The following UBR3 variants were observed in gnomAD, a reference collection of about 807,000 sequenced individuals.
UBR3 encodes the protein E3 ubiquitin-protein ligase UBR3.
UBR3 carries 85 observed loss-of-function variants against 243.2 expected under a neutral mutation model. The ratio of observed to expected loss-of-function variants is 0.35; its 90% confidence interval spans 0.29 to 0.42. The LOEUF (loss-of-function observed/expected upper bound fraction) is 0.42. Among genes scored for constraint, UBR3 ranks in the 10% least tolerant of loss-of-function variants. The pLI is 1.00. For synonymous variants in UBR3, 748 were observed against 799.8 expected, an observed-to-expected ratio of 0.94 and a Z score of 1.09; for missense variants, 1,686 against 2,300.8, an observed-to-expected ratio of 0.73 and a Z score of 5.47.
intron 8 of UBR3, among the ~76,000 whole-genome samples, chr2:169,900,981 G>C (rs1464652885): frequency 6.6e-6 from 1 of 151,986 alleles, no homozygotes; most frequent in Non-Finnish European, 1.5e-5. Flanking sequence ...TAAATTATGT[G>C]GTTTACCCTT....
At chr2:169,839,663 TAAA>T (rs2082228326) in intron 1 of UBR3, among the ~76,000 whole-genome samples, 1 of 151,928 alleles carries the variant, frequency 6.6e-6, no homozygotes, top group South Asian at 2.1e-4. Flanking sequence ...ATGCATCAAA[TAAA>T]ACACACACAC....
At chr2:169,884,423 C>T (rs2084014135) in intron 5 of UBR3, among the ~76,000 whole-genome samples, 1 of 152,164 alleles carries the variant, frequency 6.6e-6, no homozygotes, top group Non-Finnish European at 1.5e-5. Flanking sequence ...GCTGGGTTTA[C>T]AGGCGTGAGC....
intron 16 of UBR3, 34 bp from the exon 17 acceptor site, chr2:169,927,286 T>G: frequency 6.6e-7 from 1 of 1,513,704 alleles, no homozygotes; most frequent in Non-Finnish European, 8.9e-7. Context: ...TTATGTATAC[T>G]CAGATTTGTT....
intron 26 of UBR3, among the ~76,000 whole-genome samples, chr2:169,996,405 G>A (rs1246363177): frequency 6.6e-6 from 1 of 152,282 alleles, no homozygotes; most frequent in East Asian, 1.9e-4. Context: ...TAATCACCAG[G>A]TTAGGGTTCA....
chr2:170,080,800 C>T, intron 38 of UBR3, 116 bp downstream of exon 38: 1 of 1,169,370 alleles, frequency 8.6e-7, no homozygotes, highest in African/African-American at 1.6e-5. Context: ...TTCTGACAGT[C>T]ATTAATTTAG....
Position 170,081,812 on chromosome 2 carries a change from A to C in UBR3, c.5636A>C (p.Lys1879Thr), listed in dbSNP as rs201580076. The C allele has an allele frequency of 6.2e-7, 1 of 1,606,806 alleles. No homozygotes were observed. The highest frequency in any genetic ancestry group is 2.3e-5 in the East Asian group (1 of 44,348). ...WISHTFDHIN[K>T]RWGPHYNGL The stretch of plus-strand genomic sequence containing the variant: ...TCTCATACTTTTGATCACATCAATA[A>C]AAGATGGGGTCCACATTACAATGGG... The change falls in exon 39 of 39, where the codon AAA becomes ACA. Residue 1879 changes from lysine (K) to threonine (T), a missense_variant. Lys to Thr is a moderately conservative substitution (Grantham distance 78). Coordinates refer to ENST00000272793, the MANE Select transcript of UBR3 (RefSeq NM_172070.4).
At chr2:170,075,239 A>G (rs943972286) in intron 36 of UBR3, among the ~76,000 whole-genome samples, 2 of 152,136 alleles carry the variant, frequency 1.3e-5, no homozygotes, top group Non-Finnish European at 2.9e-5. Context: ...TGAATCTTGC[A>G]TATTACATAT....
chr2:169,904,869 C>CTG (rs1235808193), intron 8 of UBR3, among the ~76,000 whole-genome samples: 2 of 152,012 alleles, frequency 1.3e-5, no homozygotes, highest in South Asian at 4.2e-4. Flanking sequence ...TAATGATATA[C>CTG]TAAGTACTTT....
chr2:170,078,395 C>T (rs933280764), intron 36 of UBR3: 2 of 226,426 alleles, frequency 8.8e-6, no homozygotes, highest in Admixed American at 1.2e-4. Flanking sequence ...AAGGCAAGAC[C>T]GAATTTTAGG....
chr2:170,064,807 T>A (rs1045822507), intron 35 of UBR3, among the ~76,000 whole-genome samples: 1 of 118,550 alleles, frequency 8.4e-6, no homozygotes, highest in African/African-American at 3.5e-5. Flanking sequence ...TTTTCTATTT[T>A]TTTTTTTTTT....
chr2:169,975,657 T>A (rs1256731143), intron 24 of UBR3, among the ~76,000 whole-genome samples: 1 of 152,178 alleles, frequency 6.6e-6, no homozygotes, highest in South Asian at 2.1e-4. Flanking sequence ...AGAATTGTTG[T>A]ATCCTCTTGT....
intron 18 of UBR3, among the ~76,000 whole-genome samples, chr2:169,930,600 G>A (rs1276647827): frequency 6.6e-6 from 1 of 152,040 alleles, no homozygotes; most frequent in Admixed American, 6.5e-5. Flanking sequence ...TGCCCAGGCT[G>A]GTCTCGACTG....
chr2:169,828,123 CACT>C, intron 1 of UBR3, 71 bp downstream of exon 1: 1 of 1,323,196 alleles, frequency 7.6e-7, no homozygotes, highest in East Asian at 3.1e-5. Flanking sequence ...TGGAGCGGAG[CACT>C]GGGAGCCCAC....
In UBR3 at chr2:169,852,806, A is replaced by C. The variant is rs189200716; in HGVS notation, c.546-19430A>C. On this transcript the variant is annotated intron_variant, in intron 1 of 38. Transcript: ENST00000272793. ...GTGGAGGTTGCAGTGAGCGGAGATC[A>C]CACCACTTCACTCCAGCCTGGGTGA... is the stretch of plus-strand genomic sequence containing the variant. Among the ~76,000 whole-genome samples, 433 of 142,782 alleles carry C rather than the reference A, an allele frequency of 3.0e-3. 2 individuals are homozygous for C. Among genetic ancestry groups the C allele is most frequent in the African/African-American group, 0.011 (416 of 38,486 alleles). 93.7% of individuals were successfully genotyped at this position (142,782 alleles called of 152,430 possible).
At chr2:169,911,322 C>T (rs2085246486) in intron 10 of UBR3, among the ~76,000 whole-genome samples, 1 of 152,114 alleles carries the variant, frequency 6.6e-6, no homozygotes, top group Non-Finnish European at 1.5e-5. Context: ...TTAATGTGGT[C>T]TTGACTCTTC....
intron 19 of UBR3, among the ~76,000 whole-genome samples, chr2:169,933,480 C>T: frequency 6.6e-6 from 1 of 152,164 alleles, no homozygotes; most frequent in East Asian, 1.9e-4. Flanking sequence ...GTATTGATGA[C>T]TGCAGAAGAC....
Position 169,939,017 on chromosome 2 carries a change from T to A in UBR3, c.2664-3476T>A, listed in dbSNP as rs180987456. ...TGCTTAGGTTATTTCTTGAAAAAAA[T>A]TACTAAGTTATATTTTTCTAAGAAA... On this transcript the variant is annotated intron_variant, in intron 19 of 38. Transcript: ENST00000272793. 8.4e-3 allele frequency among the ~76,000 whole-genome samples: 1,284 copies of A among 152,250 alleles called. 14 individuals carry two copies. Among genetic ancestry groups the A allele is most frequent in the Middle Eastern group, 0.054 (16 of 294 alleles).
At chr2:170,012,988 T>C (rs1272500031) in intron 29 of UBR3, among the ~76,000 whole-genome samples, 1 of 152,166 alleles carries the variant, frequency 6.6e-6, no homozygotes, top group Non-Finnish European at 1.5e-5. Flanking sequence ...TTAAACAGTC[T>C]TTCTCATCAT....
chr2:169,880,259 T>C (rs2083772209), intron 5 of UBR3, among the ~76,000 whole-genome samples: 1 of 152,210 alleles, frequency 6.6e-6, no homozygotes, highest in South Asian at 2.1e-4. Flanking sequence ...AAAATAAACA[T>C]CTTGACTTGA....
Sources: gnomAD v4.1 joint callset for allele counts (sites outside exome capture counted in the v4.1 genomes callset) on GRCh38, gnomAD v4.1.1 for gene constraint, MANE v1.5 for transcripts, NCBI Gene and HGNC (gene_info 2026-07-23, HGNC 2026-07-21) for gene names.